The following TECTA variants were observed in gnomAD, a reference collection of about 807,000 sequenced individuals.
TECTA encodes tectorin alpha, also known as alpha-tectorin.
TECTA carries 128 observed loss-of-function variants against 216.8 expected under a neutral mutation model. That is an observed-to-expected ratio of 0.59 (90% confidence interval 0.51 to 0.68). TECTA has a LOEUF of 0.68. TECTA is among the 30% of genes least tolerant of loss of function. The pLI is 0.00. For missense variants in TECTA, 2,551 were observed against 2,786.2 expected, an observed-to-expected ratio of 0.92 and a Z score of 1.90; for synonymous variants, 1,089 against 1,117.1, an observed-to-expected ratio of 0.97 and a Z score of 0.50.
At chr11:121,146,270 G>A (rs1476005521) in intron 12 of TECTA, 154 bp downstream of exon 12, 5 of 886,322 alleles carry the variant, frequency 5.6e-6, no homozygotes, top group Non-Finnish European at 8.9e-6. Context: ...AATGAAGCAT[G>A]ACATGTAACC....
intron 11 of TECTA, among the ~76,000 whole-genome samples, chr11:121,142,957 C>A (rs11218157): frequency 0.023 from 3,432 of 152,294 alleles, 130 homozygotes; most frequent in African/African-American, 0.078. Context: ...GCCTTGCCCC[C>A]AATTCCCTAC....
intron 7 of TECTA, among the ~76,000 whole-genome samples, chr11:121,122,182 A>G (rs1036360748): frequency 1.3e-5 from 2 of 152,154 alleles, no homozygotes; most frequent in African/African-American, 4.8e-5. Context: ...TTGAAATTCT[A>G]ACTCCTAAGG....
At chr11:121,175,416 G>C (rs1480537062) in intron 20 of TECTA, among the ~76,000 whole-genome samples, 1 of 152,112 alleles carries the variant, frequency 6.6e-6, no homozygotes. Flanking sequence ...TGGTTTCAAA[G>C]AACATCTTTA....
In TECTA at chr11:121,152,865, G is replaced by C. The variant is rs764812286; in HGVS notation, c.4106-16G>C. On this transcript the variant is annotated splice_polypyrimidine_tract_variant and intron_variant, in intron 12 of 23. Transcript: ENST00000392793. ...CTTGTGATCGTGCGAGTCTTGACTT[G>C]TCTCTCTTGTTCCAGCTGTCACCTG... The C allele has an allele frequency of 2.8e-5, 44 of 1,590,872 alleles. No individual in the cohort carries two copies. In the South Asian group the frequency reaches 2.8e-4, roughly 10 times the overall value.
At position 121,162,059 on chromosome 11, in the gene TECTA, C is replaced by T. The variant is rs1450794209; in HGVS notation, c.4977-16C>T. 2.5e-6 allele frequency: 4 copies of T among 1,613,542 alleles called. No homozygotes were observed. The African/African-American group carries it at 4.0e-5, about 16-fold the overall frequency. On this transcript the variant is annotated splice_polypyrimidine_tract_variant and intron_variant, in intron 15 of 23. Transcript: ENST00000392793. ...AGATCTCAGATGGCTGTTTTTGCTT[C>T]ACTCAGTCTGACCAGACCTCTTGCC...
Position 121,125,882 on chromosome 11 carries a change from C to T in TECTA, c.1774+10C>T, listed in dbSNP as rs1179968299. ...ACCCAGACTGGGTGTGGTAAGCTGGCATCCCATCCCCATGACAGGTCTCTC... is the reference window on the plus strand; with the variant it reads ...ACCCAGACTGGGTGTGGTAAGCTGGTATCCCATCCCCATGACAGGTCTCTC... On this transcript the variant is annotated intron_variant, in intron 8 of 23. Transcript: ENST00000392793. The T allele has an allele frequency of 6.2e-7, 1 of 1,604,276 alleles. No individual in the cohort carries two copies. Among genetic ancestry groups the T allele is most frequent in the African/African-American group, 1.3e-5 (1 of 75,038 alleles).
At chr11:121,123,263 T>C (rs1009358630) in intron 7 of TECTA, among the ~76,000 whole-genome samples, 2 of 152,172 alleles carry the variant, frequency 1.3e-5, no homozygotes, top group Non-Finnish European at 2.9e-5. Flanking sequence ...GCATAGTAAG[T>C]GTGAAAAAGA....
chr11:121,105,387 T>A lies in TECTA; in HGVS notation c.65-444T>A, dbSNP rs1331237607. Among the ~76,000 whole-genome samples, 6 of 152,190 alleles carry A rather than the reference T, an allele frequency of 3.9e-5. No individual in the cohort carries two copies. The highest frequency in any genetic ancestry group is 8.8e-5 in the Non-Finnish European group (6 of 68,038). ...TTCTGGGATCTGGGATTTTCTCCAA[T>A]TGTGCAGCAAGAGGGAGGGAACTCC... On this transcript the variant is annotated intron_variant, in intron 2 of 23. Coordinates refer to ENST00000392793, the MANE Select transcript of TECTA (RefSeq NM_005422.4). This position sits in a 1 kb window ranked among gnomAD's most constrained non-coding sequence, Gnocchi z 5.3.
intron 3 of TECTA, among the ~76,000 whole-genome samples, 176 bp from the exon 4 acceptor site, chr11:121,109,035 C>T (rs959089118): frequency 1.3e-5 from 2 of 152,206 alleles, no homozygotes; most frequent in African/African-American, 4.8e-5. Flanking sequence ...ATGAGTTTGT[C>T]TGGAAGTAAA....
chr11:121,118,222 A>G, intron 6 of TECTA, 84 bp from the exon 7 acceptor site: 1 of 1,544,622 alleles, frequency 6.5e-7, no homozygotes, highest in Non-Finnish European at 8.8e-7. Flanking sequence ...TAAATGGTAT[A>G]ATGGAAGTAA....
At chr11:121,112,406 C>T (rs1400611618) in intron 4 of TECTA, among the ~76,000 whole-genome samples, 3 of 152,154 alleles carry the variant, frequency 2.0e-5, no homozygotes, top group Admixed American at 2.0e-4. Context: ...ATAAGATAGG[C>T]GTGGGCCAAT....
At chr11:121,189,052 A>T in intron 21 of TECTA, 28 bp from the exon 22 acceptor site, 1 of 1,611,750 alleles carries the variant, frequency 6.2e-7, no homozygotes, top group South Asian at 1.1e-5. Flanking sequence ...ATTGTGTGAA[A>T]ATTTCCCCCT....
Position 121,158,008 on chromosome 11 carries a change from C to T in TECTA, c.4473C>T (p.Gly1491=), listed in dbSNP as rs781555565. ...AGACCTCCTACTGCCTGGCGGCCGG[C>T]GGCGGCGTCTTCCGCACCTTCGACG... ...STKTSYCLAA[G]GGVFRTFDGA... is the part of the protein sequence containing the mutation. Residue 1491 remains glycine (G), a synonymous_variant, in exon 14 of 24, where the codon GGC becomes GGT. Transcript: ENST00000392793. 2.8e-5 allele frequency: 45 copies of T among 1,612,604 alleles called. No individual in the cohort carries two copies. Among genetic ancestry groups the T allele is most frequent in the Non-Finnish European group, 3.6e-5 (42 of 1,179,918 alleles).
At chr11:121,154,151 T>G (rs950723960) in intron 13 of TECTA, among the ~76,000 whole-genome samples, 2 of 152,180 alleles carry the variant, frequency 1.3e-5, no homozygotes, top group Non-Finnish European at 2.9e-5. Context: ...AATAGTAGCT[T>G]TAAAATAAAT....
chr11:121,168,526 G>A (rs1947078597), intron 19 of TECTA, 151 bp from the exon 20 acceptor site: 1 of 1,134,280 alleles, frequency 8.8e-7, no homozygotes, highest in South Asian at 1.4e-5. Context: ...ATTGCCCCAT[G>A]TGGCTAGCAG....
chr11:121,109,085 G>A, intron 3 of TECTA, 126 bp from the exon 4 acceptor site: 1 of 1,015,030 alleles, frequency 9.9e-7, no homozygotes, highest in Non-Finnish European at 1.5e-6. Context: ...GGTGTTTGGG[G>A]GTTCTAATTC....
chr11:121,130,258 G>T lies in TECTA; in HGVS notation c.2941+47G>T. 1.9e-6 allele frequency: 3 copies of T among 1,589,836 alleles called. No homozygotes were observed. In the South Asian group the frequency reaches 3.4e-5, roughly 18 times the overall value. On this transcript the variant is annotated intron_variant, in intron 10 of 23. Transcript: ENST00000392793. ...GGAGAGGCTTTCTAGCTGGGAAATA[G>T]GTGCCATGCTGGGCCTTACTCAGGA... is the stretch of plus-strand genomic sequence containing the variant.
intron 11 of TECTA, among the ~76,000 whole-genome samples, chr11:121,138,260 C>T (rs1292179641): frequency 6.6e-6 from 1 of 152,220 alleles, no homozygotes; most frequent in Non-Finnish European, 1.5e-5. Context: ...GCAGAGCCAG[C>T]TCTGGAAGCA....
intron 22 of TECTA, among the ~76,000 whole-genome samples, chr11:121,189,498 C>G (rs567153173): frequency 3.3e-5 from 5 of 152,060 alleles, no homozygotes; most frequent in South Asian, 2.1e-4. Context: ...CTCAGCCTCC[C>G]GAGTAGCTGG....
Sources: gnomAD v4.1 joint callset for allele counts (sites outside exome capture counted in the v4.1 genomes callset) on GRCh38, gnomAD v4.1.1 for gene constraint, Gnocchi (gnomAD v3.1) non-coding constraint, MANE v1.5 for transcripts, NCBI Gene and HGNC (gene_info 2026-07-23, HGNC 2026-07-21) for gene names.